The following RRP9 variants were observed in gnomAD, a reference collection of about 807,000 sequenced individuals.
The protein encoded by RRP9 is ribosomal RNA processing 9, U3 small nucleolar RNA binding protein, also known as U3 small nucleolar RNA-interacting protein 2.
RRP9 carries 35 observed loss-of-function variants against 65.5 expected under a neutral mutation model. The ratio of observed to expected loss-of-function variants is 0.53; its 90% CI spans 0.41 to 0.71. RRP9 has a LOEUF of 0.71. RRP9 is among the 30% of genes least tolerant of loss of function. The pLI is 0.00. For synonymous variants in RRP9, 254 were observed against 245.0 expected (o/e 1.04, Z -0.34); for missense variants, 533 against 633.6 (o/e 0.84, Z 1.70).
At chr3:51,936,654 T>C (rs1413280799) in intron 6 of RRP9, 99 bp from the exon 7 acceptor site, 1 of 1,303,746 alleles carries the variant, frequency 7.7e-7, no homozygotes, top group East Asian at 2.3e-5. Flanking sequence ...CCATGGCAAA[T>C]GTCCCGGACT....
chr3:51,941,532 C>A, intron 1 of RRP9, 41 bp from the exon 2 acceptor site: 7 of 1,577,808 alleles, frequency 4.4e-6, no homozygotes, highest in Non-Finnish European at 6.1e-6. Context: ...GGGGTCCAGA[C>A]CACCCTGGCA....
chr3:51,939,202 G>A (rs1282247682), intron 2 of RRP9, among the ~76,000 whole-genome samples: 1 of 152,126 alleles, frequency 6.6e-6, no homozygotes, highest in Non-Finnish European at 1.5e-5. Context: ...CCCCAGAAGG[G>A]ACCTTGAAAA....
intron 2 of RRP9, among the ~76,000 whole-genome samples, chr3:51,940,628 C>G (rs534076862): frequency 6.6e-6 from 1 of 152,272 alleles, no homozygotes; most frequent in East Asian, 1.9e-4. Context: ...GATCCCCAAA[C>G]CTTAGCCTCC....
In RRP9 at chr3:51,936,681, C is replaced by A. The variant is rs1577650861; in HGVS notation, c.518-126G>T. 6.7e-6 allele frequency: 7 copies of A among 1,040,880 alleles called. No individual in the cohort carries two copies. The East Asian group carries it at 1.8e-4, about 26-fold the overall frequency. 64.5% of individuals were successfully genotyped at this position (1,040,880 alleles called of 1,614,324 possible). On this transcript the variant is annotated intron_variant, in intron 6 of 14. Transcript: ENST00000232888. ...TCCCGGACTCGGCCAGAAGACCTGG[C>A]TCAGCCACCGTGAGCCTCCGGACAA...
intron 13 of RRP9, 55 bp from the exon 14 acceptor site, chr3:51,933,836 C>T (rs905783617): frequency 1.0e-5 from 16 of 1,526,844 alleles, no homozygotes; most frequent in Non-Finnish European, 1.4e-5. Context: ...CACCACCGTC[C>T]TCAGCATCAC....
rs745411235 is a variant in RRP9 at position 51,937,622 on chromosome 3, AG to A, written c.349-37del. The stretch of plus-strand genomic sequence containing the variant: ...AAGAGATGGATGAGACCCTGGGAGC[AG>A]ATCAGCTCCACCCCCGTCCTCCCCC... On this transcript the variant is annotated intron_variant, in intron 4 of 14. Coordinates refer to ENST00000232888, the MANE Select transcript of RRP9 (RefSeq NM_004704.5). The surrounding 1 kb of genome is among the most constrained non-coding windows in gnomAD (Gnocchi z 5.0). 6.2e-7 allele frequency: 1 copy of A among 1,614,040 alleles called. No homozygotes were observed. The highest frequency in any genetic ancestry group is 8.5e-7 in the Non-Finnish European group (1 of 1,179,994).
At position 51,934,982 on chromosome 3, in the gene RRP9, TA is replaced by T. The variant is rs1042008069; in HGVS notation, c.1035-207del. 7.3e-5 allele frequency among the ~76,000 whole-genome samples: 11 copies of T among 150,246 alleles called. No individual in the cohort carries two copies. The highest frequency in any genetic ancestry group is 6.0e-4 in the Admixed American group (9 of 15,090). ...ACCCACAACAAATTTTTTTTAATTC[TA>T]AAAAAAAAGAAAAAAGGCCACATGA... is the stretch of plus-strand genomic sequence containing the variant. On this transcript the variant is annotated intron_variant, in intron 11 of 14. Transcript: ENST00000232888. This position sits in a 1 kb window ranked among gnomAD's most constrained non-coding sequence, Gnocchi z 4.1.
In RRP9 at chr3:51,934,364, G is replaced by A. The variant is rs1305745380; in HGVS notation, c.1260+108C>T. The A allele has an allele frequency of 3.4e-6, 4 of 1,180,514 alleles. No individual in the cohort carries two copies. Among genetic ancestry groups the A allele is most frequent in the African/African-American group, 3.1e-5 (2 of 64,924 alleles). 73.1% of individuals were successfully genotyped at this position (1,180,514 alleles called of 1,614,324 possible). A position where few individuals can be genotyped will look rare whatever the true frequency, so the allele number is the denominator to read the frequency against. On this transcript the variant is annotated intron_variant, in intron 13 of 14. Coordinates refer to ENST00000232888, the MANE Select transcript of RRP9 (RefSeq NM_004704.5). This position sits in a 1 kb window ranked among gnomAD's most constrained non-coding sequence, Gnocchi z 4.1. ...AGGCCCTGTGCTAGGAGCTGGCCCTGCCCTGAGAAGGTTCCCTTCTGGCAG... is the reference window on the plus strand; with the variant it reads ...AGGCCCTGTGCTAGGAGCTGGCCCTACCCTGAGAAGGTTCCCTTCTGGCAG...
chr3:51,935,548 C>A, intron 9 of RRP9, 44 bp downstream of exon 9: 1 of 1,613,502 alleles, frequency 6.2e-7, no homozygotes, highest in Non-Finnish European at 8.5e-7. Context: ...CACTCCCACA[C>A]CCTCTCTCAC....
In RRP9 at chr3:51,937,435, G is replaced by T. The variant is rs909133275; in HGVS notation, c.390+110C>A. On this transcript the variant is annotated intron_variant, in intron 5 of 14. Coordinates refer to ENST00000232888, the MANE Select transcript of RRP9 (RefSeq NM_004704.5). The surrounding 1 kb of genome is among the most constrained non-coding windows in gnomAD (Gnocchi z 5.0). ...GGCCAGAAGGAAAACAAGACCCAAG[G>T]CTACAACAACCAGATCCTTACCTGA... is the stretch of plus-strand genomic sequence containing the variant. 21 of 1,605,128 alleles carry T rather than the reference G, an allele frequency of 1.3e-5. No homozygotes were observed. Among genetic ancestry groups the T allele is most frequent in the Non-Finnish European group, 1.7e-5 (20 of 1,172,912 alleles).
chr3:51,937,749 G>A lies in RRP9; in HGVS notation c.281-13C>T. ...GCCTTCTCCTCCTCTGTGCAGGACA[G>A]ACCAGACCAAGTAAACTGAGGCTGA... On this transcript the variant is annotated splice_polypyrimidine_tract_variant and intron_variant, in intron 3 of 14. Transcript: ENST00000232888. The surrounding 1 kb of genome is among the most constrained non-coding windows in gnomAD (Gnocchi z 5.0). 1 of 1,613,778 alleles carries A rather than the reference G, an allele frequency of 6.2e-7. No individual in the cohort carries two copies. Among genetic ancestry groups the A allele is most frequent in the Non-Finnish European group, 8.5e-7 (1 of 1,179,982 alleles).
Position 51,934,601 on chromosome 3 carries a change from C to A in RRP9, c.1180+30G>T. The A allele has an allele frequency of 6.2e-7, 1 of 1,613,784 alleles. No homozygotes were observed. Among genetic ancestry groups the A allele is most frequent in the Non-Finnish European group, 8.5e-7 (1 of 1,179,772 alleles). ...ACCCCTGCACCGGCCCACCCGGCGA[C>A]CCCTCCTCCCTGCCTCTCAGGGCAC... On this transcript the variant is annotated intron_variant, in intron 12 of 14. Transcript: ENST00000232888. This position sits in a 1 kb window ranked among gnomAD's most constrained non-coding sequence, Gnocchi z 4.1.
Position 51,941,621 on chromosome 3 carries a change from G to A in RRP9, c.88-130C>T, listed in dbSNP as rs1040984122. 3 of 1,110,140 alleles carry A rather than the reference G, an allele frequency of 2.7e-6. No individual in the cohort carries two copies. In the African/African-American group the frequency reaches 4.7e-5, roughly 17 times the overall value. The allele number at this position is 1,110,140 out of a possible 1,614,324, so 68.8% of individuals were successfully genotyped here. A position where few individuals can be genotyped will look rare whatever the true frequency, so the allele number is the denominator to read the frequency against. Reference sequence around the variant, plus strand: ...GCGGTGGTTCCCGGGTTAAGCGAACGGCTTTCTAGGATTTGGCCCGCGGAG... The same window carrying A: ...GCGGTGGTTCCCGGGTTAAGCGAACAGCTTTCTAGGATTTGGCCCGCGGAG... On this transcript the variant is annotated intron_variant, in intron 1 of 14. Transcript: ENST00000232888.
intron 2 of RRP9, among the ~76,000 whole-genome samples, chr3:51,938,978 C>A (rs190976767): frequency 5.3e-5 from 8 of 152,246 alleles, no homozygotes; most frequent in African/African-American, 1.7e-4. Context: ...CCCCTCCATG[C>A]CCCAGCCCCC....
Position 51,937,687 on chromosome 3 carries a change from C to T in RRP9, c.330G>A (p.Gly110=), listed in dbSNP as rs1305606670. ...ARAFEEDQVA[G]RLKEDVLEQR... ...CACTTACCACATCCTCCTTCAGGCGCCCCGCCACCTGGTCCTCCTCAAATG... is the reference window on the plus strand; with the variant it reads ...CACTTACCACATCCTCCTTCAGGCGTCCCGCCACCTGGTCCTCCTCAAATG... The change falls in exon 4 of 15, where the codon GGG becomes GGA. Residue 110 remains glycine (G), a synonymous_variant. Transcript: ENST00000232888. The surrounding 1 kb of genome is among the most constrained non-coding windows in gnomAD (Gnocchi z 5.0). 1 of 1,614,232 alleles carries T rather than the reference C, an allele frequency of 6.2e-7. No individual in the cohort carries two copies. Among genetic ancestry groups the T allele is most frequent in the South Asian group, 1.1e-5 (1 of 91,084 alleles).
At chr3:51,936,403 C>A (rs1440339481) in intron 7 of RRP9, 28 bp downstream of exon 7, 1 of 1,614,236 alleles carries the variant, frequency 6.2e-7, no homozygotes. Flanking sequence ...AGACCTCCCG[C>A]CTGCCCCCAG....
rs1253586989 is a variant in RRP9, at chr3:51,941,860, G to A, written c.8C>T (p.Ala3Val). ...TCCCCGCTTACGAGCAGCCGCTGTT[G>A]CCGACATGCTGCCCACCAGGCGTGT... MS[A>V]TAAARKRGKP... The change falls in exon 1 of 15, where the codon GCA (alanine) becomes GTA (valine). Residue 3 changes from alanine (A) to valine (V), a missense_variant. This residue lies in a region of RRP9 where 77 missense variants were observed against 60.5 expected (regional missense o/e 1.27). Coordinates refer to ENST00000232888, the MANE Select transcript of RRP9 (RefSeq NM_004704.5). 2.5e-6 allele frequency: 4 copies of A among 1,581,364 alleles called. No individual in the cohort carries two copies. Among genetic ancestry groups the A allele is most frequent in the African/African-American group, 1.3e-5 (1 of 74,190 alleles).
chr3:51,937,456 C>T lies in RRP9; in HGVS notation c.390+89G>A. On this transcript the variant is annotated intron_variant, in intron 5 of 14. Coordinates refer to ENST00000232888, the MANE Select transcript of RRP9 (RefSeq NM_004704.5). The surrounding 1 kb of genome is among the most constrained non-coding windows in gnomAD (Gnocchi z 5.0). ...CAAGGCTACAACAACCAGATCCTTA[C>T]CTGACCAGATAGGCCCAAGTGTCCA... 2.5e-6 allele frequency: 4 copies of T among 1,607,494 alleles called. No individual in the cohort carries two copies. The highest frequency in any genetic ancestry group is 3.4e-6 in the Non-Finnish European group (4 of 1,174,278).
chr3:51,937,993 AATC>A lies in RRP9; in HGVS notation c.280+99_280+101del. 9.2e-7 allele frequency: 1 copy of A among 1,090,392 alleles called. No individual in the cohort carries two copies. The highest frequency in any genetic ancestry group is 1.6e-5 in the African/African-American group (1 of 63,742). 67.5% of individuals were successfully genotyped at this position (1,090,392 alleles called of 1,614,324 possible). A position where few individuals can be genotyped will look rare whatever the true frequency, so the allele number is the denominator to read the frequency against. Reference sequence around the variant, plus strand: ...ACTGACAGCCTGGGCACCCACTGGGAATCCATGTCAGTCACCCATCAAGTGGCT... The same window carrying A: ...ACTGACAGCCTGGGCACCCACTGGGACATGTCAGTCACCCATCAAGTGGCT... On this transcript the variant is annotated intron_variant, in intron 3 of 14. Transcript: ENST00000232888. This position sits in a 1 kb window ranked among gnomAD's most constrained non-coding sequence, Gnocchi z 5.0.
Sources: allele counts gnomAD v4.1 joint callset (sites outside exome capture counted in the v4.1 genomes callset), GRCh38; gene constraint gnomAD v4.1.1; regional missense constraint gnomAD v4.1.1; non-coding constraint Gnocchi (gnomAD v3.1); transcripts MANE v1.5; gene names NCBI Gene and HGNC (gene_info 2026-07-23, HGNC 2026-07-21).